The following SLFN13 variants were observed in gnomAD, a reference collection of about 807,000 sequenced individuals.
The protein encoded by SLFN13 is schlafen-13.
In SLFN13, 43 loss-of-function variants were observed where a neutral mutation model predicts 50.6. That is an observed-to-expected ratio of 0.85 (90% confidence interval 0.67 to 1.09). The LOEUF (loss-of-function observed/expected upper bound fraction) is 1.09. SLFN13 is among the 50% of genes least tolerant of loss of function. The pLI is 0.00. For synonymous variants in SLFN13, 339 were observed against 386.5 expected, an observed-to-expected ratio of 0.88 and a Z score of 1.44; for missense variants, 881 against 1,071.1, an observed-to-expected ratio of 0.82 and a Z score of 2.48.
In SLFN13 at chr17:35,437,096, A is replaced by G. The variant is rs1912665060; in HGVS notation, c.*3499T>C. 1 of 152,180 alleles carries G rather than the reference A, an allele frequency of 6.6e-6. No homozygotes were observed. The highest frequency in any genetic ancestry group is 2.1e-4 in the South Asian group (1 of 4,832). 9.4% of individuals were successfully genotyped at this position (152,180 alleles called of 1,614,324 possible). A position where few individuals can be genotyped will look rare whatever the true frequency, so the allele number is the denominator to read the frequency against. ...AGGAAGAAAAATGGTAGAAGGAGGC[A>G]CAGGGACAAGGCGAGAGAAGGCCAT... On this transcript the variant is annotated 3_prime_UTR_variant, in exon 6 of 6. Transcript: ENST00000285013.
rs775741991 is a variant in SLFN13, at chr17:35,444,678, C to T, written c.1003G>A (p.Glu335Lys). 1 of 1,614,086 alleles carries T rather than the reference C, an allele frequency of 6.2e-7. No individual in the cohort carries two copies. The highest frequency in any genetic ancestry group is 8.5e-7 in the Non-Finnish European group (1 of 1,180,038). ...SEAPKSWMVR[E>K]KYIRPLTTEE... Reference sequence around the variant, plus strand: ...GTTGTCAAGGGGCGGATGTACTTCTCCCTCACCATCCATGACTTGGGAGCT... The same window carrying T: ...GTTGTCAAGGGGCGGATGTACTTCTTCCTCACCATCCATGACTTGGGAGCT... The change falls in exon 3 of 6, where the codon GAG becomes AAG. Residue 335 changes from glutamate to lysine, a missense_variant. Physicochemically the swap from Glu to Lys is moderately conservative, Grantham distance 56. Coordinates refer to ENST00000285013, the MANE Select transcript of SLFN13 (RefSeq NM_144682.6).
In SLFN13 at chr17:35,442,185, A is replaced by C; in HGVS notation, c.1300T>G (p.Phe434Val). ...GAGAGGATCACAATTCCCTGGGAGA[A>C]AGGTCGCATTTGCTTGTGTATTAAC... ...KELIHKQMRP[F>V]SQGIVILSRS... The change falls in exon 5 of 6, where the codon TTC becomes GTC. Residue 434 changes from phenylalanine to valine, a missense_variant. This residue lies in a region of SLFN13 where 497 missense variants were observed against 518.3 expected (regional missense o/e 0.96). Coordinates refer to ENST00000285013, the MANE Select transcript of SLFN13 (RefSeq NM_144682.6). 1 of 1,614,200 alleles carries C rather than the reference A, an allele frequency of 6.2e-7. No individual in the cohort carries two copies. Among genetic ancestry groups the C allele is most frequent in the Non-Finnish European group, 8.5e-7 (1 of 1,180,026 alleles).
rs1567860616 is a variant in SLFN13 at position 35,441,071 on chromosome 17, A to T, written c.2218T>A (p.Tyr740Asn). The T allele has an allele frequency of 6.8e-6, 11 of 1,613,878 alleles. No homozygotes were observed. The highest frequency in any genetic ancestry group is 8.5e-6 in the Non-Finnish European group (10 of 1,180,000). ...VVRNADEIAE[Y>N]IQQEMQLIIE... ...ATTAGTTGCATTTCTTGTTGTATGT[A>T]CTCGGCTATTTCATCTGCATTGCGA... is the stretch of plus-strand genomic sequence containing the variant. The change falls in exon 6 of 6, where the codon TAC (tyrosine) becomes AAC (asparagine). Residue 740 changes from tyrosine (Y) to asparagine (N), a missense_variant. Physicochemically the swap from Tyr to Asn is moderately radical, Grantham distance 143. Coordinates refer to ENST00000285013, the MANE Select transcript of SLFN13 (RefSeq NM_144682.6).
chr17:35,442,563 C>A lies in SLFN13; in HGVS notation c.1199-277G>T, dbSNP rs569259972. Among the ~76,000 whole-genome samples, 78 of 152,336 alleles carry A rather than the reference C, an allele frequency of 5.1e-4. 1 individual carries two copies. The South Asian group carries it at 0.014, about 28-fold the overall frequency. ...GGTTCAGGCCATTCTCCTGCCTCAG[C>A]CTCCCAAGTAGCTGGGACTACAGGC... On this transcript the variant is annotated intron_variant, in intron 4 of 5. Transcript: ENST00000285013.
At chr17:35,447,867 G>GTTGTTTTGTTTTGTT (rs71152714) in intron 1 of SLFN13, among the ~76,000 whole-genome samples, 10 of 150,326 alleles carry the variant, frequency 6.7e-5, no homozygotes, top group East Asian at 3.9e-4. Context: ...ATTCTGTTTT[G>GTTGTTTTGTTTTGTT]TTGTTTTGTT....
Position 35,443,889 on chromosome 17 carries a change from C to T in SLFN13, c.1098G>A (p.Glu366=), listed in dbSNP as rs139096252. The T allele has an allele frequency of 1.2e-6, 2 of 1,613,612 alleles. No individual in the cohort carries two copies. The highest frequency in any genetic ancestry group is 3.3e-5 in the Admixed American group (2 of 59,988). Residue 366 remains glutamate (E), a synonymous_variant, in exon 4 of 6, where the codon GAG becomes GAA. Coordinates refer to ENST00000285013, the MANE Select transcript of SLFN13 (RefSeq NM_144682.6). ...GACTGTCAGATAGACTCAACTGAGACTCAAAGGCCTCAGCAAAGTCTGGAG... is the reference window on the plus strand; with the variant it reads ...GACTGTCAGATAGACTCAACTGAGATTCAAAGGCCTCAGCAAAGTCTGGAG... The part of the protein sequence containing the change: ...EFPPDFAEAF[E]SQLSLSDSPS...
upstream of SLFN13, among the ~76,000 whole-genome samples, chr17:35,449,633 T>C (rs1394557148): frequency 1.3e-5 from 2 of 152,206 alleles, no homozygotes; most frequent in Admixed American, 6.5e-5. Context: ...CGGTGCTCTG[T>C]GCTCAGTCAA....
rs375393736 is a variant in SLFN13, at chr17:35,444,746, C to A, written c.935G>T (p.Cys312Phe). The part of the protein sequence containing the change: ...FCGKELYGYL[C>F]VIKVKAFCCV... ...ACAGAATGCCTTCACTTTAATCACACAGAGATAGCCATACAACTCTTTCCC... is the reference window on the plus strand; with the variant it reads ...ACAGAATGCCTTCACTTTAATCACAAAGAGATAGCCATACAACTCTTTCCC... The change falls in exon 3 of 6, where the codon TGT becomes TTT. Residue 312 changes from cysteine to phenylalanine, a missense_variant. By Grantham distance (205) the Cys-to-Phe change is radical (BLOSUM62 -2). This residue lies in a region of SLFN13 where 497 missense variants were observed against 518.3 expected (regional missense o/e 0.96). Coordinates refer to ENST00000285013, the MANE Select transcript of SLFN13 (RefSeq NM_144682.6). The A allele has an allele frequency of 7.4e-6, 12 of 1,614,204 alleles. No individual in the cohort carries two copies. Among genetic ancestry groups the A allele is most frequent in the Non-Finnish European group, 1.0e-5 (12 of 1,180,044 alleles).
chr17:35,443,954 G>T (rs779681761), intron 3 of SLFN13, 34 bp from the exon 4 acceptor site: 1 of 1,600,112 alleles, frequency 6.2e-7, no homozygotes, highest in South Asian at 1.1e-5. Context: ...TACACTATAT[G>T]ATTTCATGTC....
In SLFN13 at chr17:35,439,347, A is replaced by C. The variant is rs946293930; in HGVS notation, c.*1248T>G. 1.3e-5 allele frequency: 2 copies of C among 152,172 alleles called. No individual in the cohort carries two copies. Among genetic ancestry groups the C allele is most frequent in the Non-Finnish European group, 2.9e-5 (2 of 68,028 alleles). 9.4% of individuals were successfully genotyped at this position (152,172 alleles called of 1,614,324 possible). ...ATTCAGTCCATAACAATGGCCCACCAAACTATGAAAGCAAATAGAAAAAAA... is the reference window on the plus strand; with the variant it reads ...ATTCAGTCCATAACAATGGCCCACCCAACTATGAAAGCAAATAGAAAAAAA... On this transcript the variant is annotated 3_prime_UTR_variant, in exon 6 of 6. Coordinates refer to ENST00000285013, the MANE Select transcript of SLFN13 (RefSeq NM_144682.6).
chr17:35,442,442 T>C lies in SLFN13; in HGVS notation c.1199-156A>G, dbSNP rs765259669. On this transcript the variant is annotated intron_variant, in intron 4 of 5. Coordinates refer to ENST00000285013, the MANE Select transcript of SLFN13 (RefSeq NM_144682.6). The stretch of plus-strand genomic sequence containing the variant: ...CATCTCTGGTTTTTTGTTTGTTTGT[T>C]TGTCTGTCTGTCTGTTTTTGAGACG... Among the ~76,000 whole-genome samples the C allele has an allele frequency of 5.3e-5, 8 of 152,204 alleles. No homozygotes were observed. The East Asian group carries it at 5.8e-4, about 11-fold the overall frequency.
At chr17:35,446,933 C>A (rs1913241557) in intron 2 of SLFN13, 1 of 152,160 alleles carries the variant, frequency 6.6e-6, no homozygotes, top group African/African-American at 2.4e-5. Context: ...GTCAAGTTAC[C>A]TGTAAAATAT....
upstream of SLFN13, among the ~76,000 whole-genome samples, chr17:35,449,419 G>A (rs138170984): frequency 9.5e-3 from 1,440 of 151,966 alleles, 13 homozygotes; most frequent in Non-Finnish European, 0.014. Context: ...CCAAGCTCTC[G>A]CCCGAGCTTT....
chr17:35,442,382 A>G, intron 4 of SLFN13, 96 bp from the exon 5 acceptor site: 2 of 1,347,446 alleles, frequency 1.5e-6, no homozygotes, highest in South Asian at 3.1e-5. Flanking sequence ...AAGCCCCCAA[A>G]GAATTGTACA....
rs1281703963 is a variant in SLFN13 at position 35,441,595 on chromosome 17, A to C, written c.1890T>G (p.Val630=). Residue 630 remains valine (V), a synonymous_variant, in exon 5 of 6, where the codon GTT becomes GTG. Coordinates refer to ENST00000285013, the MANE Select transcript of SLFN13 (RefSeq NM_144682.6). ...FHCEAHRILY[V]CENQPLRNFI... ...AGTTCCTCAGAGGCTGGTTTTCACA[A>C]ACGTAGAGAATTCTGTGTGCCTCAC... is the stretch of plus-strand genomic sequence containing the variant. The C allele has an allele frequency of 6.3e-7, 1 of 1,599,296 alleles. No individual in the cohort carries two copies. Among genetic ancestry groups the C allele is most frequent in the East Asian group, 2.2e-5 (1 of 44,838 alleles).
rs1912940948 is a variant in SLFN13, at chr17:35,442,102, A to G, written c.1383T>C (p.Ala461=). The change falls in exon 5 of 6, where the codon GCT becomes GCC. Residue 461 remains alanine (A), a synonymous_variant. Transcript: ENST00000285013. ...GGGTGCTGTTCTGTGCTATCAGCAGAGCATCACAGATGACTCCTGGCTTCT... is the reference window on the plus strand; with the variant it reads ...GGGTGCTGTTCTGTGCTATCAGCAGGGCATCACAGATGACTCCTGGCTTCT... ...LQEKPGVICD[A]LLIAQNSTPI... 1 of 1,614,148 alleles carries G rather than the reference A, an allele frequency of 6.2e-7. No individual in the cohort carries two copies. The highest frequency in any genetic ancestry group is 8.5e-7 in the Non-Finnish European group (1 of 1,180,054).
chr17:35,445,939 G>A (rs979266462), intron 2 of SLFN13: 23 of 344,866 alleles, frequency 6.7e-5, no homozygotes, highest in Admixed American at 2.2e-4. Context: ...GTATCTGAAC[G>A]AATCTGGAGA....
chr17:35,436,217 T>A lies in SLFN13; in HGVS notation c.*4378A>T, dbSNP rs1912641386. On this transcript the variant is annotated 3_prime_UTR_variant, in exon 6 of 6. Coordinates refer to ENST00000285013, the MANE Select transcript of SLFN13 (RefSeq NM_144682.6). ...GACTGAAATTCTCTAGGACTGAAAT[T>A]CTCTCCTCCTTAAACTTGCTTGTTA... 6.6e-6 allele frequency: 1 copy of A among 151,384 alleles called. No individual in the cohort carries two copies. Among genetic ancestry groups the A allele is most frequent in the Non-Finnish European group, 1.5e-5 (1 of 67,968 alleles). The allele number at this position is 151,384 out of a possible 1,614,324, so 9.4% of individuals were successfully genotyped here.
Position 35,444,834 on chromosome 17 carries a change from C to A in SLFN13, c.847G>T (p.Val283Phe), listed in dbSNP as rs763681109. ...CGAGGTTTTGAAGAGCAAAAATGAA[C>A]AATGGGCAACTTAGAAATTGCTCTT... ...IARAISKLPIVHFCSSKPRVE... is the reference protein window; with the variant it reads ...IARAISKLPIFHFCSSKPRVE... The change falls in exon 3 of 6, where the codon GTT becomes TTT. Residue 283 changes from valine (V) to phenylalanine (F), a missense_variant. Coordinates refer to ENST00000285013, the MANE Select transcript of SLFN13 (RefSeq NM_144682.6). 3.7e-6 allele frequency: 6 copies of A among 1,614,186 alleles called. No individual in the cohort carries two copies. The highest frequency in any genetic ancestry group is 1.3e-5 in the African/African-American group (1 of 75,050).
Sources: allele counts gnomAD v4.1 joint callset (sites outside exome capture counted in the v4.1 genomes callset), GRCh38; gene constraint gnomAD v4.1.1; regional missense constraint gnomAD v4.1.1; transcripts MANE v1.5; gene names NCBI Gene and HGNC (gene_info 2026-07-23, HGNC 2026-07-21).